Variants in HSPA13 observed in about 807,000 individuals in gnomAD.
HSPA13 encodes heat shock protein family A (Hsp70) member 13, also known as heat shock 70 kDa protein 13.
In HSPA13, 29 loss-of-function variants were observed where a neutral mutation model predicts 38.8. That is an observed-to-expected ratio of 0.75 (90% CI 0.56 to 1.02). HSPA13 has a LOEUF of 1.02. HSPA13 is among the 50% of genes least tolerant of loss of function. HSPA13 has a pLI of 0.00. For synonymous variants in HSPA13, 192 were observed against 205.3 expected (o/e 0.94, Z 0.56); for missense variants, 451 against 560.9 (o/e 0.80, Z 1.98).
intron 2 of HSPA13, among the ~76,000 whole-genome samples, chr21:14,380,597 A>G (rs1984143028): frequency 6.6e-6 from 1 of 152,170 alleles, no homozygotes; most frequent in Admixed American, 6.5e-5. Flanking sequence ...AAAATAAATC[A>G]AAAGCCTTAA....
rs1280261699 is a variant in HSPA13 at position 14,378,508 on chromosome 21, CCTTAT to C, written c.367-101_367-97del. The C allele has an allele frequency of 7.9e-6, 6 of 758,876 alleles. No individual in the cohort carries two copies. In the African/African-American group the frequency reaches 1.1e-4, roughly 13 times the overall value. 47.0% of individuals were successfully genotyped at this position (758,876 alleles called of 1,614,324 possible). ...AATACTAGATTTCATGAGAACTTAC[CCTTAT>C]CTTTACAAAATCAAAAAATGCATTT... On this transcript the variant is annotated intron_variant, in intron 2 of 4. Transcript: ENST00000285667.
rs942241392 is a variant in HSPA13 at position 14,373,328 on chromosome 21, C to T, written c.*289G>A. The stretch of plus-strand genomic sequence containing the variant: ...AATGTTAAGTGCATATGGTTATCAA[C>T]CTCCAGAATCCAGAAAATATAGTTA... On this transcript the variant is annotated 3_prime_UTR_variant, in exon 5 of 5. Coordinates refer to ENST00000285667, the MANE Select transcript of HSPA13 (RefSeq NM_006948.5). The T allele has an allele frequency of 1.3e-5, 4 of 309,452 alleles. No individual in the cohort carries two copies. Among genetic ancestry groups the T allele is most frequent in the Non-Finnish European group, 2.4e-5 (4 of 167,548 alleles). The allele number at this position is 309,452 out of a possible 1,614,324, so 19.2% of individuals were successfully genotyped here. A position where few individuals can be genotyped will look rare whatever the true frequency, so the allele number is the denominator to read the frequency against.
At chr21:14,375,925 G>A in intron 3 of HSPA13, 106 bp from the exon 4 acceptor site, 1 of 786,766 alleles carries the variant, frequency 1.3e-6, no homozygotes, top group Non-Finnish European at 2.1e-6. Flanking sequence ...CTCCACCACT[G>A]AGTAATAATG....
At position 14,374,187 on chromosome 21, in the gene HSPA13, T is replaced by A; in HGVS notation, c.846A>T (p.Lys282Asn). The A allele has an allele frequency of 2.5e-6, 4 of 1,613,798 alleles. No homozygotes were observed. In the South Asian group the frequency reaches 4.4e-5, roughly 18 times the overall value. Reference sequence around the variant, plus strand: ...CTTGTCTCAATCTGTGGATTTCCTCTTTCCTAGAGGGCACGAAGCCATATG... The same window carrying A: ...CTTGTCTCAATCTGTGGATTTCCTCATTCCTAGAGGGCACGAAGCCATATG... ...YQTYGFVPSR[K>N]EEIHRLRQAV... Residue 282 changes from lysine to asparagine, a missense_variant, in exon 5 of 5, where the codon AAA becomes AAT. Transcript: ENST00000285667.
At chr21:14,374,321 A>G in intron 4 of HSPA13, 37 bp from the exon 5 acceptor site, 1 of 1,448,050 alleles carries the variant, frequency 6.9e-7, no homozygotes, top group Non-Finnish European at 9.5e-7. Context: ...AGTTATGCAT[A>G]TATGTGTGTA....
At chr21:14,376,270 G>A (rs974444614) in intron 3 of HSPA13, among the ~76,000 whole-genome samples, 3 of 152,054 alleles carry the variant, frequency 2.0e-5, no homozygotes, top group Non-Finnish European at 4.4e-5. Flanking sequence ...AAAATGAGCC[G>A]GGCGTGGTGG....
At chr21:14,379,876 C>T (rs944013685) in intron 2 of HSPA13, among the ~76,000 whole-genome samples, 4 of 151,916 alleles carry the variant, frequency 2.6e-5, no homozygotes, top group Admixed American at 6.6e-5. Flanking sequence ...ATTAGCCAGG[C>T]GTGGTGGCAC....
intron 4 of HSPA13, 124 bp from the exon 5 acceptor site, chr21:14,374,408 C>A (rs1983965598): frequency 1.4e-6 from 1 of 705,748 alleles, no homozygotes; most frequent in Non-Finnish European, 2.3e-6. Flanking sequence ...TGTATCATTA[C>A]AATTTTATTC....
rs1218021715 is a variant in HSPA13, at chr21:14,371,415, T to C, written c.*2202A>G. 6.6e-6 allele frequency: 1 copy of C among 152,272 alleles called. No individual in the cohort carries two copies. Among genetic ancestry groups the C allele is most frequent in the Non-Finnish European group, 1.5e-5 (1 of 68,000 alleles). 9.4% of individuals were successfully genotyped at this position (152,272 alleles called of 1,614,324 possible). A position where few individuals can be genotyped will look rare whatever the true frequency, so the allele number is the denominator to read the frequency against. ...AACTAAAGTTTATTAATTTTTTTTA[T>C]GAAAAGACTTCAGATTGTTATTCAT... is the stretch of plus-strand genomic sequence containing the variant. On this transcript the variant is annotated 3_prime_UTR_variant, in exon 5 of 5. Transcript: ENST00000285667.
chr21:14,381,659 T>G (rs1004725863), intron 1 of HSPA13, 116 bp from the exon 2 acceptor site: 4 of 929,856 alleles, frequency 4.3e-6, no homozygotes, highest in Non-Finnish European at 6.0e-6. Flanking sequence ...AAGACAAATT[T>G]CAAAATTTTT....
In HSPA13 at chr21:14,375,685, G is replaced by C. The variant is rs1241670135; in HGVS notation, c.715C>G (p.Gln239Glu). Residue 239 changes from glutamine (Q) to glutamate (E), a missense_variant, in exon 4 of 5, where the codon CAA becomes GAA. By Grantham distance (29) the Gln-to-Glu change is conservative (BLOSUM62 2). Coordinates refer to ENST00000285667, the MANE Select transcript of HSPA13 (RefSeq NM_006948.5). ...GTLDVSLLNK[Q>E]GGMFLTRAMS... The stretch of plus-strand genomic sequence containing the variant: ...GCTCGGGTTAGAAACATCCCTCCTT[G>C]TTTATTCAGTAAAGACACATCTAGA... The C allele has an allele frequency of 3.7e-6, 6 of 1,613,562 alleles. No individual in the cohort carries two copies. In the Admixed American group the frequency reaches 1.0e-4, roughly 27 times the overall value.
intron 3 of HSPA13, among the ~76,000 whole-genome samples, chr21:14,376,027 C>A (rs1194548733): frequency 1.3e-5 from 2 of 152,046 alleles, no homozygotes; most frequent in East Asian, 3.9e-4. Flanking sequence ...TGAAAGATTA[C>A]AATATAAAGA....
At chr21:14,375,928 T>TTCATGTCAC (rs1285952677) in intron 3 of HSPA13, 109 bp from the exon 4 acceptor site, 1 of 789,218 alleles carries the variant, frequency 1.3e-6, no homozygotes, top group African/African-American at 1.7e-5. Context: ...CACCACTGAG[T>TTCATGTCAC]AATAATGAGA....
At chr21:14,374,681 T>C (rs561022113) in intron 4 of HSPA13, among the ~76,000 whole-genome samples, 2 of 152,312 alleles carry the variant, frequency 1.3e-5, no homozygotes, top group South Asian at 4.1e-4. Context: ...TTAAATTATA[T>C]AAAAGGAAGT....
intron 2 of HSPA13, among the ~76,000 whole-genome samples, chr21:14,378,624 CTT>C (rs11322033): frequency 4.8e-5 from 7 of 145,394 alleles, no homozygotes; most frequent in Non-Finnish European, 4.5e-5. Context: ...ATTAGTTTTA[CTT>C]TTTTTTTTTT....
At position 14,381,342 on chromosome 21, in the gene HSPA13, T is replaced by C. The variant is rs752461916; in HGVS notation, c.227A>G (p.Asn76Ser). The part of the protein sequence containing the change: ...SIPSMVSFTD[N>S]DVYVGYESVE... ...GCTTTCATATCCCACATATACATCA[T>C]TGTCAGTAAAAGACACCATGCTGGG... The change falls in exon 2 of 5, where the codon AAT becomes AGT. Residue 76 changes from asparagine (N) to serine (S), a missense_variant. Transcript: ENST00000285667. The C allele has an allele frequency of 2.5e-6, 4 of 1,614,180 alleles. No homozygotes were observed. The highest frequency in any genetic ancestry group is 3.4e-6 in the Non-Finnish European group (4 of 1,180,022).
chr21:14,375,651 C>A lies in HSPA13; in HGVS notation c.748+1G>T. Reference sequence around the variant, plus strand: ...CCAGCCTCTCCCTGCATTTTTCTTACCAGACATTGCTCGGGTTAGAAACAT... The same window carrying A: ...CCAGCCTCTCCCTGCATTTTTCTTAACAGACATTGCTCGGGTTAGAAACAT... On this transcript the variant is annotated splice_donor_variant, in intron 4 of 4. Coordinates refer to ENST00000285667, the MANE Select transcript of HSPA13 (RefSeq NM_006948.5). LOFTEE classifies it high-confidence loss of function. The A allele has an allele frequency of 1.9e-6, 3 of 1,612,624 alleles. No individual in the cohort carries two copies. The highest frequency in any genetic ancestry group is 1.7e-6 in the Non-Finnish European group (2 of 1,179,010).
intron 2 of HSPA13, among the ~76,000 whole-genome samples, chr21:14,379,929 C>T (rs1445070802): frequency 1.3e-5 from 2 of 151,878 alleles, no homozygotes; most frequent in Admixed American, 1.3e-4. Flanking sequence ...AGGAGAATCA[C>T]TTGAACCTGG....
rs554044635 is a variant in HSPA13 at position 14,375,264 on chromosome 21, G to A, written c.748+388C>T. ...AAAAGTCCTACTGGCTATGTGAGCC[G>A]TAATTGGGTAACTGGCAATGTATTT... On this transcript the variant is annotated intron_variant, in intron 4 of 4. Coordinates refer to ENST00000285667, the MANE Select transcript of HSPA13 (RefSeq NM_006948.5). Among the ~76,000 whole-genome samples the A allele has an allele frequency of 4.6e-5, 7 of 152,180 alleles. No homozygotes were observed. The East Asian group carries it at 7.7e-4, about 17-fold the overall frequency.
Sources: allele counts gnomAD v4.1 joint callset (sites outside exome capture counted in the v4.1 genomes callset), GRCh38; gene constraint gnomAD v4.1.1; transcripts MANE v1.5; gene names NCBI Gene and HGNC (gene_info 2026-07-23, HGNC 2026-07-21).